Variants in AP2A1 observed in about 807,000 individuals in gnomAD.
AP2A1 encodes the protein adaptor related protein complex 2 subunit alpha 1.
In AP2A1, 21 loss-of-function variants were observed where a neutral mutation model predicts 107.3. The ratio of observed to expected loss-of-function variants is 0.20; its 90% CI spans 0.14 to 0.28. AP2A1 has a LOEUF of 0.28. Ranked by LOEUF, AP2A1 falls within the 10% of genes least tolerant of loss-of-function variation. The pLI is 1.00. For missense variants in AP2A1, 873 were observed against 1,307.7 expected (o/e 0.67, Z 5.13); for synonymous variants, 602 against 564.8 (o/e 1.07, Z -0.93).
chr19:49,782,949 G>C (rs1191623058), intron 4 of AP2A1, among the ~76,000 whole-genome samples: 24 of 152,236 alleles, frequency 1.6e-4, no homozygotes, highest in Non-Finnish European at 2.9e-5. Context: ...AAAGCCAGTG[G>C]GGTGTTTCTG....
At chr19:49,789,164 CCT>C (rs938307940) in intron 4 of AP2A1, among the ~76,000 whole-genome samples, 7 of 152,182 alleles carry the variant, frequency 4.6e-5, no homozygotes, top group African/African-American at 1.7e-4. Flanking sequence ...GGACTTCTCC[CCT>C]GTGTCTTTTG....
chr19:49,804,373 C>T (rs1270326191), intron 18 of AP2A1: 4 of 152,062 alleles, frequency 2.6e-5, no homozygotes, highest in Admixed American at 6.6e-5. Context: ...AACCCCTTCT[C>T]TACTAAAAAT....
Position 49,767,203 on chromosome 19 carries a change from G to A in AP2A1, c.67+3G>A. ...GTTCATCTCCGACATCCGGAACTGTGAGCGCGCGGCCGGGGGACACTGGAG... is the reference window on the plus strand; with the variant it reads ...GTTCATCTCCGACATCCGGAACTGTAAGCGCGCGGCCGGGGGACACTGGAG... On this transcript the variant is annotated splice_donor_region_variant and intron_variant, in intron 1 of 22. Transcript: ENST00000354293. The A allele has an allele frequency of 6.2e-7, 1 of 1,611,706 alleles. No individual in the cohort carries two copies. Among genetic ancestry groups the A allele is most frequent in the Non-Finnish European group, 8.5e-7 (1 of 1,179,730 alleles).
chr19:49,804,368 C>G (rs1340878479), intron 18 of AP2A1: 1 of 152,052 alleles, frequency 6.6e-6, no homozygotes, highest in African/African-American at 2.4e-5. Flanking sequence ...GGTGAAACCC[C>G]TTCTCTACTA....
At chr19:49,806,480 T>A in intron 22 of AP2A1, 1 of 1,443,928 alleles carries the variant, frequency 6.9e-7, no homozygotes, top group Non-Finnish European at 9.1e-7. Flanking sequence ...TACCTTTCCA[T>A]ATCCTTTCCA....
intron 6 of AP2A1, among the ~76,000 whole-genome samples, chr19:49,794,387 G>A (rs1441065458): frequency 4.0e-5 from 6 of 151,620 alleles, no homozygotes; most frequent in Non-Finnish European, 8.8e-5. Flanking sequence ...ATTTTTTGTA[G>A]AGATCGGTCT....
chr19:49,785,952 C>T lies in AP2A1; in HGVS notation c.473+3228C>T, dbSNP rs1453199632. On this transcript the variant is annotated intron_variant, in intron 4 of 22. Transcript: ENST00000354293. The surrounding 1 kb of genome is among the most constrained non-coding windows in gnomAD (Gnocchi z 4.1). ...AACATTAGTGGGGTGCAGTGGTGCA[C>T]ACCTGTAGTCCCAGCTACTCAGGAG... Among the ~76,000 whole-genome samples the T allele has an allele frequency of 1.3e-5, 2 of 151,274 alleles. No homozygotes were observed. The highest frequency in any genetic ancestry group is 1.3e-4 in the Admixed American group (2 of 15,154).
chr19:49,793,179 G>C (rs2073168610), intron 6 of AP2A1, 87 bp downstream of exon 6: 1 of 1,252,908 alleles, frequency 8.0e-7, no homozygotes, highest in Non-Finnish European at 1.1e-6. Context: ...CTCTCCCTGA[G>C]AGGCAGCCCA....
intron 1 of AP2A1, among the ~76,000 whole-genome samples, chr19:49,767,544 A>G (rs185575095): frequency 6.6e-6 from 1 of 152,058 alleles, no homozygotes; most frequent in Non-Finnish European, 1.5e-5. Flanking sequence ...GGGATTCCCA[A>G]TGTAGAGAAG....
At chr19:49,768,287 G>T (rs1418524345) in intron 1 of AP2A1, among the ~76,000 whole-genome samples, 1 of 152,132 alleles carries the variant, frequency 6.6e-6, no homozygotes. Flanking sequence ...GGCTGTGGGT[G>T]ATTGGAGCTG....
Position 49,802,040 on chromosome 19 carries a change from AC to A in AP2A1, c.2018del (p.Pro673ArgfsTer50). ...GLRAAPPPAA[P>X]PASAGAGNLL... ...TGCGGGCAGCCCCTCCCCCGGCAGC[AC>A]CCCCGGCTTCTGCAGGAGCAGGGAA... On this transcript the variant is annotated frameshift_variant, in exon 15 of 23. Transcript: ENST00000354293. LOFTEE classifies it high-confidence loss of function. 6.4e-7 allele frequency: 1 copy of A among 1,570,962 alleles called. No homozygotes were observed.
In AP2A1 at chr19:49,767,065, TC is replaced by T. The variant is rs2084509858; in HGVS notation, c.-65del. 3 of 1,514,176 alleles carry T rather than the reference TC, an allele frequency of 2.0e-6. No individual in the cohort carries two copies. The highest frequency in any genetic ancestry group is 2.7e-6 in the Non-Finnish European group (3 of 1,130,124). The allele number at this position is 1,514,176 out of a possible 1,614,324, so 93.8% of individuals were successfully genotyped here. On this transcript the variant is annotated 5_prime_UTR_variant, in exon 1 of 23. Coordinates refer to ENST00000354293, the MANE Select transcript of AP2A1 (RefSeq NM_130787.3). The stretch of plus-strand genomic sequence containing the variant: ...GCTGCCTGGGGTCCTTTCCGCCCGG[TC>T]CCCGCTTGCCAGCCCCCGCTGCTCT...
rs1325829862 is a variant in AP2A1 at position 49,782,801 on chromosome 19, C to T, written c.473+77C>T. On this transcript the variant is annotated intron_variant, in intron 4 of 22. Coordinates refer to ENST00000354293, the MANE Select transcript of AP2A1 (RefSeq NM_130787.3). ...CAGCCAAGTGTGAGGCTCAGAGAGG[C>T]TCTGTTGCCTGCCCAAGGTCTCCCA... The T allele has an allele frequency of 1.5e-5, 21 of 1,447,902 alleles. No individual in the cohort carries two copies. In the East Asian group the frequency reaches 4.5e-4, roughly 31 times the overall value. 89.7% of individuals were successfully genotyped at this position (1,447,902 alleles called of 1,614,324 possible).
chr19:49,774,366 C>T (rs1222691749), intron 1 of AP2A1, among the ~76,000 whole-genome samples: 5 of 152,050 alleles, frequency 3.3e-5, no homozygotes, highest in Non-Finnish European at 7.4e-5. Context: ...GCAACTCAGG[C>T]AGGGTCTTGG....
In AP2A1 at chr19:49,801,634, T is replaced by TGCCCCCC; in HGVS notation, c.1785+13_1785+14insGCCCCCC. 6.7e-7 allele frequency: 1 copy of TGCCCCCC among 1,482,294 alleles called. No individual in the cohort carries two copies. Among genetic ancestry groups the TGCCCCCC allele is most frequent in the Non-Finnish European group, 9.3e-7 (1 of 1,076,944 alleles). 91.8% of individuals were successfully genotyped at this position (1,482,294 alleles called of 1,614,324 possible). On this transcript the variant is annotated intron_variant, in intron 13 of 22. Transcript: ENST00000354293. ...CACCGACGTCCTGGTCAGAGCCCTGTCCCCCCACCCCACCCCTCTTGCACA... is the reference window on the plus strand; with the variant it reads ...CACCGACGTCCTGGTCAGAGCCCTGTGCCCCCCCCCCCCACCCCACCCCTCTTGCACA...
rs147746155 is a variant in AP2A1, at chr19:49,768,934, T to G, written c.67+1734T>G. On this transcript the variant is annotated intron_variant, in intron 1 of 22. Transcript: ENST00000354293. ...GTTGTCCAGGCCCTGTTCTAGGTAC[T>G]GGGGTGACAATAGTGAACAGAAATT... 2.8e-4 allele frequency among the ~76,000 whole-genome samples: 43 copies of G among 152,308 alleles called. 1 individual carries two copies. The highest frequency in any genetic ancestry group is 9.6e-4 in the African/African-American group (40 of 41,568).
Position 49,782,102 on chromosome 19 carries a change from A to AG in AP2A1, c.279+19dup, listed in dbSNP as rs1309391593. On this transcript the variant is annotated intron_variant, in intron 3 of 22. Transcript: ENST00000354293. ...AGAGAAGCAAATAGTGAGTCTGGAG[A>AG]GGGGGGTGCCAGGGCCTGGACTCCT... 1.7e-5 allele frequency: 19 copies of AG among 1,140,316 alleles called. No individual in the cohort carries two copies. The highest frequency in any genetic ancestry group is 2.1e-5 in the Non-Finnish European group (19 of 892,778). 70.6% of individuals were successfully genotyped at this position (1,140,316 alleles called of 1,614,324 possible).
chr19:49,796,500 ATTC>A (rs890929939), intron 7 of AP2A1: 1 of 152,174 alleles, frequency 6.6e-6, no homozygotes, highest in Admixed American at 6.5e-5. Context: ...AGTTCCCTCC[ATTC>A]AGCCAGCATG....
At chr19:49,795,602 C>CCCCCCCA in intron 6 of AP2A1, 28 bp from the exon 7 acceptor site, 3 of 1,236,836 alleles carry the variant, frequency 2.4e-6, no homozygotes, top group Non-Finnish European at 3.5e-6. Context: ...CCCCAGCCCC[C>CCCCCCCA]AACTTATTTC....
Sources: gnomAD v4.1 joint callset for allele counts (sites outside exome capture counted in the v4.1 genomes callset) on GRCh38, gnomAD v4.1.1 for gene constraint, Gnocchi (gnomAD v3.1) non-coding constraint, MANE v1.5 for transcripts, NCBI Gene and HGNC (gene_info 2026-07-23, HGNC 2026-07-21) for gene names.